Variants in RAB7A observed in about 807,000 individuals in gnomAD.
The protein encoded by RAB7A is ras-related protein Rab-7a.
Under a neutral mutation model 24.5 loss-of-function variants are expected in RAB7A, and 2 were observed. That is an observed-to-expected ratio of 0.08 (90% CI 0.03 to 0.26). RAB7A has a LOEUF of 0.26. Ranked by LOEUF, RAB7A falls within the 10% of genes least tolerant of loss-of-function variation. The pLI is 1.00. For missense variants in RAB7A, 118 were observed against 255.7 expected (o/e 0.46, Z 3.67); for synonymous variants, 100 against 95.9 (o/e 1.04, Z -0.25).
chr3:128,751,444 C>A (rs1474119931), intron 1 of RAB7A, among the ~76,000 whole-genome samples: 1 of 152,178 alleles, frequency 6.6e-6, no homozygotes, highest in African/African-American at 2.4e-5. Context: ...CAAAGGAGAT[C>A]ATTTTGGAGA....
intron 1 of RAB7A, among the ~76,000 whole-genome samples, chr3:128,744,856 C>G (rs2070593782): frequency 6.6e-6 from 1 of 151,118 alleles, no homozygotes; most frequent in Non-Finnish European, 1.5e-5. Flanking sequence ...TCTGAAGTCA[C>G]TTTTTCTTTT....
chr3:128,781,489 A>C (rs1933220394), intron 1 of RAB7A, among the ~76,000 whole-genome samples: 1 of 151,732 alleles, frequency 6.6e-6, no homozygotes, highest in Admixed American at 6.6e-5. Context: ...GGCAATGTAG[A>C]GAGACCTCAT....
intron 1 of RAB7A, among the ~76,000 whole-genome samples, chr3:128,746,506 T>C (rs2070616996): frequency 1.3e-5 from 2 of 151,756 alleles, no homozygotes; most frequent in South Asian, 4.2e-4. Flanking sequence ...TTTTATTTAT[T>C]TTTTTTATTT....
chr3:128,799,609 C>G (rs1325174361), intron 3 of RAB7A, among the ~76,000 whole-genome samples: 1 of 151,956 alleles, frequency 6.6e-6, no homozygotes, highest in Non-Finnish European at 1.5e-5. Context: ...TAGGACAGAG[C>G]TGGTATGAAT....
chr3:128,778,627 T>TA (rs1194688131), intron 1 of RAB7A, among the ~76,000 whole-genome samples: 5 of 152,368 alleles, frequency 3.3e-5, no homozygotes, highest in African/African-American at 1.2e-4. Context: ...TGGAAGTTTA[T>TA]AAAATGCTCA....
chr3:128,789,792 T>A (rs1455336538), intron 1 of RAB7A, among the ~76,000 whole-genome samples: 1 of 121,850 alleles, frequency 8.2e-6, no homozygotes, highest in Non-Finnish European at 1.8e-5. Context: ...TGTTCCTGGC[T>A]TTTTTTTTTT....
At position 128,747,929 on chromosome 3, in the gene RAB7A, A is replaced by C. The variant is rs139157571; in HGVS notation, c.-9+21570A>C. The stretch of plus-strand genomic sequence containing the variant: ...ATTGCAGGCACGTGCCACCACGCCC[A>C]GCTAATTTTTGTATTTTTAGTAGAG... On this transcript the variant is annotated intron_variant, in intron 1 of 5. Coordinates refer to ENST00000265062, the MANE Select transcript of RAB7A (RefSeq NM_004637.6). Among the ~76,000 whole-genome samples the C allele has an allele frequency of 2.3e-3, 356 of 151,692 alleles. 9 individuals are homozygous for C. Among genetic ancestry groups the C allele is most frequent in the African/African-American group, 8.5e-3 (348 of 41,118 alleles).
chr3:128,804,555 CT>C (rs1462998776), intron 3 of RAB7A, among the ~76,000 whole-genome samples: 1 of 152,200 alleles, frequency 6.6e-6, no homozygotes, highest in East Asian at 1.9e-4. Flanking sequence ...TAGGACTGTA[CT>C]TGTTGATGTT....
intron 3 of RAB7A, among the ~76,000 whole-genome samples, chr3:128,800,218 C>T (rs994617128): frequency 2.0e-5 from 3 of 152,200 alleles, no homozygotes; most frequent in African/African-American, 4.8e-5. Context: ...AAAGGAACAA[C>T]AGACTGACAA....
At chr3:128,732,720 G>T (rs1318495610) in intron 1 of RAB7A, among the ~76,000 whole-genome samples, 1 of 152,132 alleles carries the variant, frequency 6.6e-6, no homozygotes, top group Non-Finnish European at 1.5e-5. Flanking sequence ...TCCAGATGGT[G>T]GGAGGCTGAG....
chr3:128,772,816 T>C (rs1018096939), intron 1 of RAB7A, among the ~76,000 whole-genome samples: 2 of 152,262 alleles, frequency 1.3e-5, no homozygotes, highest in African/African-American at 2.4e-5. Context: ...GGTCTCCAGC[T>C]CCTAACCGCG....
intron 1 of RAB7A, among the ~76,000 whole-genome samples, chr3:128,762,856 A>C (rs1017211496): frequency 6.6e-6 from 1 of 152,202 alleles, no homozygotes; most frequent in African/African-American, 2.4e-5. Flanking sequence ...AAAGAGACTC[A>C]GTGTAAAAGA....
At chr3:128,742,276 T>A (rs2070562358) in intron 1 of RAB7A, among the ~76,000 whole-genome samples, 1 of 152,060 alleles carries the variant, frequency 6.6e-6, no homozygotes, top group Non-Finnish European at 1.5e-5. Context: ...GCAGACCTTC[T>A]CAGTGAGTGT....
chr3:128,761,046 G>T (rs2107596119), intron 1 of RAB7A, among the ~76,000 whole-genome samples: 1 of 152,258 alleles, frequency 6.6e-6, no homozygotes, highest in East Asian at 1.9e-4. Flanking sequence ...AGTACCAAGA[G>T]GTCAGATTTT....
At chr3:128,798,943 A>G (rs921889465) in intron 3 of RAB7A, 30 of 238,310 alleles carry the variant, frequency 1.3e-4, no homozygotes, top group Admixed American at 4.8e-5. Flanking sequence ...AAACCAAACT[A>G]TTGGGATAGG....
At chr3:128,772,822 C>A (rs879392138) in intron 1 of RAB7A, among the ~76,000 whole-genome samples, 3 of 152,266 alleles carry the variant, frequency 2.0e-5, no homozygotes, top group Non-Finnish European at 4.4e-5. Flanking sequence ...CAGCTCCTAA[C>A]CGCGAGTGAT....
At chr3:128,752,975 C>T (rs1396504186) in intron 1 of RAB7A, among the ~76,000 whole-genome samples, 3 of 152,168 alleles carry the variant, frequency 2.0e-5, no homozygotes, top group African/African-American at 4.8e-5. Context: ...TAACTGACAT[C>T]ATGATACCCT....
At chr3:128,730,089 C>T (rs1466345043) in intron 1 of RAB7A, among the ~76,000 whole-genome samples, 1 of 152,178 alleles carries the variant, frequency 6.6e-6, no homozygotes, top group Admixed American at 6.5e-5. Context: ...TAATAGTTCT[C>T]TATGCTTCTC....
intron 1 of RAB7A, among the ~76,000 whole-genome samples, chr3:128,786,560 G>A (rs967819168): frequency 6.6e-6 from 1 of 152,202 alleles, no homozygotes; most frequent in South Asian, 2.1e-4. Context: ...TGGACAGAGA[G>A]ACATTTACCC....
Sources: gnomAD v4.1 joint callset for allele counts (sites outside exome capture counted in the v4.1 genomes callset) on GRCh38, gnomAD v4.1.1 for gene constraint, MANE v1.5 for transcripts, NCBI Gene and HGNC (gene_info 2026-07-23, HGNC 2026-07-21) for gene names.